Variants in ANKS1B observed in about 807,000 individuals in gnomAD.
The protein encoded by ANKS1B is ankyrin repeat and sterile alpha motif domain containing 1B, also known as ankyrin repeat and sterile alpha motif domain-containing protein 1B.
In ANKS1B, 36 loss-of-function variants were observed where a neutral mutation model predicts 148.3. That is an observed-to-expected ratio of 0.24 (90% CI 0.19 to 0.32). The LOEUF is 0.32. Among genes scored for constraint, ANKS1B ranks in the 10% least tolerant of loss-of-function variants. ANKS1B has a pLI of 1.00. For missense variants in ANKS1B, 1,157 were observed against 1,542.6 expected, an observed-to-expected ratio of 0.75 and a Z score of 4.19; for synonymous variants, 542 against 560.8, an observed-to-expected ratio of 0.97 and a Z score of 0.47.
intron 3 of ANKS1B, among the ~76,000 whole-genome samples, chr12:99,809,524 A>C (rs2068070157): frequency 6.6e-6 from 1 of 152,026 alleles, no homozygotes; most frequent in African/African-American, 2.4e-5. Flanking sequence ...GGCAATTATA[A>C]AAACCATAAT....
In ANKS1B at chr12:99,350,899, C is replaced by T. The variant is rs79783692; in HGVS notation, c.1756+48732G>A. Among the ~76,000 whole-genome samples, 1,000 of 152,138 alleles carry T rather than the reference C, an allele frequency of 6.6e-3. 18 individuals are homozygous for T. Among genetic ancestry groups the T allele is most frequent in the African/African-American group, 0.023 (954 of 41,536 alleles). ...ACTTAGTTCTGCATTGGTTTTGTGT[C>T]TGTCTTAATAGCAATCACTCCAAAC... is the stretch of plus-strand genomic sequence containing the variant. On this transcript the variant is annotated intron_variant, in intron 12 of 26. Transcript: ENST00000683438.
chr12:98,953,503 A>T (rs894803102), intron 17 of ANKS1B, among the ~76,000 whole-genome samples: 1 of 142,124 alleles, frequency 7.0e-6, no homozygotes, highest in Admixed American at 6.9e-5. Flanking sequence ...CTTCCTTCAA[A>T]ATGTTTATCA....
intron 12 of ANKS1B, among the ~76,000 whole-genome samples, chr12:99,393,520 G>A (rs540137661): frequency 4.6e-5 from 7 of 152,274 alleles, no homozygotes; most frequent in African/African-American, 7.2e-5. Context: ...TATTATGAAC[G>A]CAGTGAATGT....
At chr12:99,199,317 G>C (rs534454900) in intron 14 of ANKS1B, among the ~76,000 whole-genome samples, 206 of 152,256 alleles carry the variant, frequency 1.4e-3, no homozygotes, top group Non-Finnish European at 1.5e-3. Context: ...TCTGCCTATA[G>C]AATAAAATAG....
At chr12:99,198,180 A>G (rs2081615015) in intron 14 of ANKS1B, among the ~76,000 whole-genome samples, 1 of 152,150 alleles carries the variant, frequency 6.6e-6, no homozygotes, top group African/African-American at 2.4e-5. Flanking sequence ...TTCTTCCGCT[A>G]TAGTATTTAA....
chr12:98,989,525 T>G (rs1448896052), intron 17 of ANKS1B, among the ~76,000 whole-genome samples: 1 of 152,230 alleles, frequency 6.6e-6, no homozygotes, highest in Non-Finnish European at 1.5e-5. Context: ...TGTAGTATAT[T>G]TTGAAATCAG....
chr12:98,748,952 A>C (rs1227988161), intron 26 of ANKS1B, among the ~76,000 whole-genome samples: 1 of 152,226 alleles, frequency 6.6e-6, no homozygotes, highest in African/African-American at 2.4e-5. Context: ...AAATTCCTGG[A>C]CACTTAGCAG....
At chr12:99,505,125 G>A (rs1448016769) in intron 9 of ANKS1B, among the ~76,000 whole-genome samples, 2 of 152,020 alleles carry the variant, frequency 1.3e-5, no homozygotes, top group Admixed American at 6.6e-5. Context: ...CCATCCCCAG[G>A]CTCCTCTCTT....
At chr12:99,095,878 G>T (rs2055899759) in intron 15 of ANKS1B, among the ~76,000 whole-genome samples, 1 of 152,160 alleles carries the variant, frequency 6.6e-6, no homozygotes. Flanking sequence ...CTCATAAAAA[G>T]ATGACTTGAA....
At chr12:99,443,119 A>G (rs1469852061) in intron 11 of ANKS1B, among the ~76,000 whole-genome samples, 1 of 152,028 alleles carries the variant, frequency 6.6e-6, no homozygotes, top group Non-Finnish European at 1.5e-5. Flanking sequence ...AAATCCATAG[A>G]GGAAAGAGAC....
intron 12 of ANKS1B, among the ~76,000 whole-genome samples, chr12:99,280,262 A>G (rs927022367): frequency 2.0e-5 from 3 of 152,058 alleles, no homozygotes; most frequent in African/African-American, 7.2e-5. Context: ...AAACACTAAC[A>G]TCGAGGAATG....
chr12:99,017,520 A>T (rs1402383392), intron 17 of ANKS1B, among the ~76,000 whole-genome samples: 3 of 152,040 alleles, frequency 2.0e-5, no homozygotes, highest in Non-Finnish European at 4.4e-5. Flanking sequence ...GACTGATCCT[A>T]CCTGAACTTG....
chr12:98,799,215 T>A (rs927440087), intron 21 of ANKS1B, among the ~76,000 whole-genome samples: 5 of 152,140 alleles, frequency 3.3e-5, no homozygotes, highest in African/African-American at 1.2e-4. Flanking sequence ...GGGGCTGTAA[T>A]TGCTCTTTAT....
chr12:99,607,230 A>T (rs1165488578), intron 9 of ANKS1B, among the ~76,000 whole-genome samples: 1 of 152,130 alleles, frequency 6.6e-6, no homozygotes, highest in African/African-American at 2.4e-5. Context: ...CCAGAGGCTC[A>T]AAACTAAATA....
intron 6 of ANKS1B, among the ~76,000 whole-genome samples, chr12:99,777,213 A>G (rs1242373444): frequency 6.6e-6 from 1 of 152,216 alleles, no homozygotes; most frequent in Non-Finnish European, 1.5e-5. Flanking sequence ...TCTAATAAAG[A>G]AAATTTGTAT....
chr12:99,947,876 G>C (rs1322075898), intron 1 of ANKS1B, among the ~76,000 whole-genome samples: 1 of 152,138 alleles, frequency 6.6e-6, no homozygotes, highest in Non-Finnish European at 1.5e-5. Context: ...CCTAGATGCT[G>C]TTCTCTGGCC....
intron 1 of ANKS1B, among the ~76,000 whole-genome samples, chr12:99,882,851 G>C (rs894634500): frequency 6.6e-6 from 1 of 152,116 alleles, no homozygotes; most frequent in Admixed American, 6.5e-5. Context: ...CCAGAAGAAA[G>C]TGCACTCATT....
chr12:99,480,391 AT>A (rs921788404), intron 10 of ANKS1B, among the ~76,000 whole-genome samples: 2 of 151,874 alleles, frequency 1.3e-5, no homozygotes, highest in African/African-American at 2.4e-5. Flanking sequence ...CAATAAAGGA[AT>A]TTTTTTGTTT....
At chr12:98,864,937 G>A (rs2099616996) in intron 17 of ANKS1B, among the ~76,000 whole-genome samples, 1 of 152,116 alleles carries the variant, frequency 6.6e-6, no homozygotes, top group South Asian at 2.1e-4. Flanking sequence ...GGATAAACTT[G>A]AAGATACTGT....
Sources: gnomAD v4.1 joint callset for allele counts (sites outside exome capture counted in the v4.1 genomes callset) on GRCh38, gnomAD v4.1.1 for gene constraint, MANE v1.5 for transcripts, NCBI Gene and HGNC (gene_info 2026-07-23, HGNC 2026-07-21) for gene names.